Variants in DOCK5 observed in about 807,000 individuals in gnomAD.
DOCK5 encodes dedicator of cytokinesis 5.
In DOCK5, 142 loss-of-function variants were observed where a neutral mutation model predicts 251.8. The observed-to-expected ratio is 0.56, with a 90% CI of 0.49 to 0.65. The LOEUF is 0.65. DOCK5 is among the 30% of genes least tolerant of loss of function. The pLI, the probability that DOCK5 is intolerant of heterozygous loss-of-function variation, is 0.00. For synonymous variants in DOCK5, 842 were observed against 835.5 expected, an observed-to-expected ratio of 1.01 and a Z score of -0.13; for missense variants, 2,111 against 2,312.3, an observed-to-expected ratio of 0.91 and a Z score of 1.79.
chr8:25,246,006 T>C (rs1206945028), intron 2 of DOCK5, among the ~76,000 whole-genome samples: 2 of 152,272 alleles, frequency 1.3e-5, no homozygotes, highest in Non-Finnish European at 2.9e-5. Context: ...CTGTTTGCTT[T>C]ATGTATTCTG....
intron 1 of DOCK5, among the ~76,000 whole-genome samples, chr8:25,205,114 T>C (rs1386577319): frequency 6.6e-6 from 1 of 152,106 alleles, no homozygotes; most frequent in African/African-American, 2.4e-5. Flanking sequence ...GCCAGGTTGG[T>C]CTTGAACTCC....
At chr8:25,410,922 C>CGAGAGAGAGAGAGA (rs10652253) in intron 51 of DOCK5, among the ~76,000 whole-genome samples, 12 of 97,066 alleles carry the variant, frequency 1.2e-4, no homozygotes, top group Admixed American at 6.9e-4. Flanking sequence ...GATATGGCAG[C>CGAGAGAGAGAGAGA]GAGAGAGAGA....
chr8:25,267,043 C>T (rs116554913), intron 2 of DOCK5, among the ~76,000 whole-genome samples: 6,245 of 152,162 alleles, frequency 0.041, 412 homozygotes, highest in African/African-American at 0.14. Context: ...CTCAGCCTGC[C>T]CGCCTCCCAC....
intron 5 of DOCK5, among the ~76,000 whole-genome samples, chr8:25,286,685 A>T (rs1175061608): frequency 6.6e-6 from 1 of 150,978 alleles, no homozygotes; most frequent in Non-Finnish European, 1.5e-5. Context: ...GTTTTCAGAG[A>T]TAGGGTCTCG....
intron 6 of DOCK5, among the ~76,000 whole-genome samples, chr8:25,294,994 C>T (rs1257382309): frequency 6.6e-6 from 1 of 152,156 alleles, no homozygotes; most frequent in African/African-American, 2.4e-5. Context: ...TCACCTCCCA[C>T]CAGGCCCCAC....
Position 25,351,808 on chromosome 8 carries a change from C to T in DOCK5, c.2832C>T (p.Asn944=). The change falls in exon 27 of 52, where the codon AAC becomes AAT. Residue 944 remains asparagine (N), a synonymous_variant. Coordinates refer to ENST00000276440, the MANE Select transcript of DOCK5 (RefSeq NM_024940.8). The part of the protein sequence containing the change: ...RRINRTVIGM[N]RQSPHIGSFV... The stretch of plus-strand genomic sequence containing the variant: ...TCAACCGGACAGTGATTGGGATGAA[C>T]CGGCAGTCTCCCCACATCGTGAGTA... 6.2e-7 allele frequency: 1 copy of T among 1,613,758 alleles called. No individual in the cohort carries two copies. Among genetic ancestry groups the T allele is most frequent in the Non-Finnish European group, 8.5e-7 (1 of 1,179,812 alleles).
chr8:25,229,537 T>C (rs570720217), intron 1 of DOCK5, among the ~76,000 whole-genome samples: 3 of 152,164 alleles, frequency 2.0e-5, no homozygotes, highest in African/African-American at 7.2e-5. Context: ...TAAAATTAAG[T>C]CATAGAAATA....
intron 27 of DOCK5, among the ~76,000 whole-genome samples, chr8:25,356,104 C>G (rs1185017917): frequency 1.3e-5 from 2 of 151,240 alleles, no homozygotes; most frequent in Non-Finnish European, 2.9e-5. Context: ...GAGGCTGAGG[C>G]AGGGGGAATC....
intron 2 of DOCK5, among the ~76,000 whole-genome samples, chr8:25,257,153 C>T (rs989156625): frequency 2.0e-5 from 3 of 152,020 alleles, no homozygotes; most frequent in Non-Finnish European, 4.4e-5. Context: ...CAAATAGAGC[C>T]CCCCACAGCA....
intron 1 of DOCK5, among the ~76,000 whole-genome samples, chr8:25,241,707 G>A (rs1444268174): frequency 1.3e-5 from 2 of 152,184 alleles, no homozygotes; most frequent in East Asian, 3.8e-4. Context: ...GCACATGTAT[G>A]TTTATTGTGG....
intron 39 of DOCK5, 121 bp downstream of exon 39, chr8:25,380,515 C>A: frequency 1.2e-6 from 1 of 824,108 alleles, no homozygotes; most frequent in Non-Finnish European, 1.9e-6. Context: ...GAAAAGTCAA[C>A]TTTGCTTGAA....
chr8:25,286,487 G>A (rs1394468323), intron 5 of DOCK5, among the ~76,000 whole-genome samples: 1 of 152,122 alleles, frequency 6.6e-6, no homozygotes, highest in African/African-American at 2.4e-5. Context: ...GATAGAATTC[G>A]AGATAGAAGC....
chr8:25,237,018 A>G (rs903498822), intron 1 of DOCK5, among the ~76,000 whole-genome samples: 16 of 152,104 alleles, frequency 1.1e-4, no homozygotes, highest in African/African-American at 3.6e-4. Flanking sequence ...TAATGTAGCT[A>G]TTCTTCAGGG....
intron 40 of DOCK5, among the ~76,000 whole-genome samples, chr8:25,383,255 A>G (rs1801102732): frequency 1.3e-5 from 2 of 152,326 alleles, no homozygotes; most frequent in South Asian, 4.1e-4. Context: ...TAGTTTAATA[A>G]ATAAAAATTC....
chr8:25,339,981 T>G (rs1805912298), intron 22 of DOCK5, among the ~76,000 whole-genome samples: 1 of 152,118 alleles, frequency 6.6e-6, no homozygotes, highest in Non-Finnish European at 1.5e-5. Flanking sequence ...ATGGAGAGAA[T>G]GGACTGATTC....
chr8:25,206,738 G>T (rs1034652310), intron 1 of DOCK5, among the ~76,000 whole-genome samples: 6 of 152,172 alleles, frequency 3.9e-5, no homozygotes, highest in African/African-American at 1.4e-4. Flanking sequence ...ATGGTTTGAC[G>T]CAAAGAAGTA....
intron 23 of DOCK5, 33 bp downstream of exon 23, chr8:25,341,021 T>C: frequency 6.5e-7 from 1 of 1,541,098 alleles, no homozygotes. Context: ...TAACTCTTCT[T>C]AGGCTGTGGT....
intron 5 of DOCK5, among the ~76,000 whole-genome samples, chr8:25,281,151 G>A (rs1415541014): frequency 6.6e-6 from 1 of 152,106 alleles, no homozygotes; most frequent in Non-Finnish European, 1.5e-5. Flanking sequence ...TGGGGGCCAG[G>A]TGCAGTGGCT....
chr8:25,241,598 TC>T (rs1377203121), intron 1 of DOCK5, among the ~76,000 whole-genome samples: 18 of 152,308 alleles, frequency 1.2e-4, no homozygotes, highest in Admixed American at 1.1e-3. Flanking sequence ...GTGTGGTGAT[TC>T]CTCAAGGATC....
Sources: gnomAD v4.1 joint callset for allele counts (sites outside exome capture counted in the v4.1 genomes callset) on GRCh38, gnomAD v4.1.1 for gene constraint, MANE v1.5 for transcripts, NCBI Gene and HGNC (gene_info 2026-07-23, HGNC 2026-07-21) for gene names.